Variants in NPAS3 observed in about 807,000 individuals in gnomAD.
NPAS3 encodes neuronal PAS domain protein 3, also known as neuronal PAS domain-containing protein 3.
NPAS3 carries 14 observed loss-of-function variants against 73.1 expected under a neutral mutation model. The ratio of observed to expected loss-of-function variants is 0.19; its 90% CI spans 0.13 to 0.30. The LOEUF (loss-of-function observed/expected upper bound fraction) is 0.30, where lower values mean the gene tolerates loss of function less well. Among genes scored for constraint, NPAS3 ranks in the 10% least tolerant of loss-of-function variants. The probability of loss-of-function intolerance (pLI) is 1.00; values close to 1 mark genes in which losing one functional copy is unlikely to be tolerated. For missense variants in NPAS3, 1,096 were observed against 1,250.0 expected, an observed-to-expected ratio of 0.88 and a Z score of 1.86; for synonymous variants, 620 against 541.5, an observed-to-expected ratio of 1.14 and a Z score of -2.01.
At chr14:33,783,018 A>G (rs1223387536) in intron 9 of NPAS3, among the ~76,000 whole-genome samples, 1 of 152,132 alleles carries the variant, frequency 6.6e-6, no homozygotes, top group Admixed American at 6.5e-5. Flanking sequence ...ACTAATTAGT[A>G]TATCCCCTTC....
At chr14:33,232,078 C>T (rs1327737241) in intron 3 of NPAS3, among the ~76,000 whole-genome samples, 1 of 152,136 alleles carries the variant, frequency 6.6e-6, no homozygotes, top group East Asian at 1.9e-4. Flanking sequence ...CACATTCTAG[C>T]CAGAACCCCC....
intron 3 of NPAS3, among the ~76,000 whole-genome samples, chr14:33,343,868 G>T (rs554634110): frequency 3.3e-5 from 5 of 151,980 alleles, no homozygotes; most frequent in Non-Finnish European, 5.9e-5. Flanking sequence ...CTGCTCTGGC[G>T]TCCTCAGTGC....
intron 4 of NPAS3, among the ~76,000 whole-genome samples, chr14:33,451,470 C>T (rs1361767870): frequency 2.0e-5 from 3 of 152,126 alleles, no homozygotes; most frequent in African/African-American, 4.8e-5. Context: ...TGAAATAATA[C>T]CCTGAAGTGC....
chr14:33,147,427 C>G (rs1035317660), intron 2 of NPAS3, among the ~76,000 whole-genome samples: 2 of 152,056 alleles, frequency 1.3e-5, no homozygotes, highest in African/African-American at 4.8e-5. Context: ...TGATTAATGA[C>G]AAACTTGCTT....
intron 3 of NPAS3, among the ~76,000 whole-genome samples, chr14:33,366,780 T>A (rs547378610): frequency 2.2e-4 from 34 of 152,212 alleles, no homozygotes; most frequent in African/African-American, 7.9e-4. Context: ...ATGTAAGAAG[T>A]TTAGTTTTCT....
intron 1 of NPAS3, among the ~76,000 whole-genome samples, chr14:32,999,296 G>A (rs1017031707): frequency 6.6e-6 from 1 of 152,122 alleles, no homozygotes; most frequent in Non-Finnish European, 1.5e-5. Flanking sequence ...CAGATCACAA[G>A]GTCAGGAGAT....
At chr14:33,693,738 C>T (rs1313232671) in intron 6 of NPAS3, among the ~76,000 whole-genome samples, 1 of 152,170 alleles carries the variant, frequency 6.6e-6, no homozygotes, top group African/African-American at 2.4e-5. Context: ...ATATTGTTTT[C>T]ACATTACTTA....
In NPAS3 at chr14:33,647,382, C is replaced by T. The variant is rs569672537; in HGVS notation, c.559-28829C>T. The stretch of plus-strand genomic sequence containing the variant: ...TAGTAATATTTTTGACCAGCATCTT[C>T]GAAGTGTATTAGGATCACTTGATCA... On this transcript the variant is annotated intron_variant, in intron 5 of 11. Coordinates refer to ENST00000356141, the Ensembl canonical transcript of NPAS3. Among the ~76,000 whole-genome samples, 10 of 151,916 alleles carry T rather than the reference C, an allele frequency of 6.6e-5. No individual in the cohort carries two copies. The East Asian group carries it at 1.5e-3, about 24-fold the overall frequency.
intron 4 of NPAS3, among the ~76,000 whole-genome samples, chr14:33,553,789 T>G (rs1196986131): frequency 1.3e-5 from 2 of 152,192 alleles, no homozygotes. Flanking sequence ...TGCTGGATTG[T>G]TAAAAGTCAG....
rs951536728 is a variant in NPAS3, at chr14:33,077,870, G to A, written c.140+21876G>A. On this transcript the variant is annotated intron_variant, in intron 2 of 11. Transcript: ENST00000356141. ...TCTCATTGAAAATACATATATGACC[G>A]GGTGCAGTGGCTCACGCCTGTAATC... Among the ~76,000 whole-genome samples the A allele has an allele frequency of 6.4e-5, 9 of 140,406 alleles. No homozygotes were observed. The South Asian group carries it at 9.4e-4, about 15-fold the overall frequency. 92.1% of individuals were successfully genotyped at this position (140,406 alleles called of 152,430 possible).
intron 3 of NPAS3, among the ~76,000 whole-genome samples, chr14:33,271,390 G>A (rs558745592): frequency 6.6e-6 from 1 of 152,106 alleles, no homozygotes; most frequent in South Asian, 2.1e-4. Flanking sequence ...GGGAAAGGGG[G>A]TTCTGGTTTC....
chr14:32,979,436 G>T (rs917299607), intron 1 of NPAS3, among the ~76,000 whole-genome samples: 1 of 152,086 alleles, frequency 6.6e-6, no homozygotes, highest in African/African-American at 2.4e-5. Context: ...ATCCTTTGTG[G>T]TAGGTAGCAG....
At chr14:33,790,324 C>T (rs28711131) in intron 9 of NPAS3, among the ~76,000 whole-genome samples, 2,999 of 152,268 alleles carry the variant, frequency 0.02, 98 homozygotes, top group African/African-American at 0.069. Context: ...ACTGCTTAAA[C>T]CTAAAACTTG....
At chr14:33,686,365 G>A (rs1474209086) in intron 6 of NPAS3, among the ~76,000 whole-genome samples, 1 of 152,194 alleles carries the variant, frequency 6.6e-6, no homozygotes, top group Non-Finnish European at 1.5e-5. Flanking sequence ...TAAGTTCTGA[G>A]TATGACTCAT....
intron 3 of NPAS3, among the ~76,000 whole-genome samples, chr14:33,223,204 C>A (rs12884097): frequency 1.3e-5 from 2 of 151,866 alleles, no homozygotes. Flanking sequence ...CCAGCTACTC[C>A]GGAAGCTGAG....
At chr14:33,737,471 C>T (rs1357142948) in intron 7 of NPAS3, among the ~76,000 whole-genome samples, 1 of 152,082 alleles carries the variant, frequency 6.6e-6, no homozygotes, top group Non-Finnish European at 1.5e-5. Flanking sequence ...GTTAAAGTGA[C>T]CATACTCCCC....
At chr14:33,721,777 G>C (rs577288483) in intron 6 of NPAS3, among the ~76,000 whole-genome samples, 2 of 152,152 alleles carry the variant, frequency 1.3e-5, no homozygotes. Context: ...TAAGCACTAC[G>C]TATATGATCT....
intron 3 of NPAS3, among the ~76,000 whole-genome samples, chr14:33,271,364 C>T (rs1389537790): frequency 6.6e-6 from 1 of 152,032 alleles, no homozygotes; most frequent in Non-Finnish European, 1.5e-5. Flanking sequence ...GTATTTAGGT[C>T]TCATGGCTGG....
At chr14:33,662,948 C>T (rs2059351437) in intron 5 of NPAS3, among the ~76,000 whole-genome samples, 1 of 150,158 alleles carries the variant, frequency 6.7e-6, no homozygotes, top group South Asian at 2.1e-4. Context: ...GCAACCTCCG[C>T]CTCCTGGGTT....
Sources: gnomAD v4.1 joint callset for allele counts (sites outside exome capture counted in the v4.1 genomes callset) on GRCh38, gnomAD v4.1.1 for gene constraint, MANE v1.5 for transcripts, NCBI Gene and HGNC (gene_info 2026-07-23, HGNC 2026-07-21) for gene names.